The following CMTM6 variants were observed in gnomAD, a reference collection of about 807,000 sequenced individuals.
CMTM6 encodes the protein CKLF like MARVEL transmembrane domain containing 6.
A neutral mutation model predicts 13.6 loss-of-function variants in CMTM6; 5 were observed. That is an observed-to-expected ratio of 0.37 (90% CI 0.19 to 0.77). The LOEUF (loss-of-function observed/expected upper bound fraction) is 0.77, where lower values mean the gene tolerates loss of function less well. CMTM6 is among the 30% of genes least tolerant of loss of function. CMTM6 has a pLI of 0.50. For synonymous variants in CMTM6, 99 were observed against 84.5 expected, an observed-to-expected ratio of 1.17 and a Z score of -0.94; for missense variants, 196 against 218.6, an observed-to-expected ratio of 0.90 and a Z score of 0.65.
chr3:32,502,666 G>C lies in CMTM6; in HGVS notation c.80C>G (p.Ala27Gly). Reference protein sequence around the residue: ...PARGPRSGLAAYFFMGRLPLL... With the variant: ...PARGPRSGLAGYFFMGRLPLL... ...TGGGAGCCGGCCCATGAAAAAGTAG[G>C]CAGCGAGGCCGCTCCGGGGGCCTCT... Residue 27 changes from alanine to glycine, a missense_variant, in exon 1 of 4, where the codon GCC (alanine) becomes GGC (glycine). Around this residue, in one of 2 missense-constraint regions of CMTM6, gnomAD observed 85 missense variants for 58.7 expected, o/e 1.45. Transcript: ENST00000205636. 1 of 1,591,558 alleles carries C rather than the reference G, an allele frequency of 6.3e-7. No homozygotes were observed. Among genetic ancestry groups the C allele is most frequent in the Non-Finnish European group, 8.5e-7 (1 of 1,170,818 alleles).
chr3:32,502,709 C>G lies in CMTM6; in HGVS notation c.37G>C (p.Glu13Gln). 1 of 1,581,366 alleles carries G rather than the reference C, an allele frequency of 6.3e-7. No homozygotes were observed. The highest frequency in any genetic ancestry group is 8.6e-7 in the Non-Finnish European group (1 of 1,166,796). Residue 13 changes from glutamate to glutamine, a missense_variant, in exon 1 of 4, where the codon GAG becomes CAG. Physicochemically the swap from Glu to Gln is conservative, Grantham distance 29. Transcript: ENST00000205636. The part of the protein sequence containing the change: ...NGAVYSPTTE[E>Q]DPGPARGPRS... Reference sequence around the variant, plus strand: ...GGGCCTCTGGCGGGGCCCGGGTCCTCCTCCGTAGTGGGGCTGTACACCGCT... The same window carrying G: ...GGGCCTCTGGCGGGGCCCGGGTCCTGCTCCGTAGTGGGGCTGTACACCGCT...
intron 1 of CMTM6, among the ~76,000 whole-genome samples, chr3:32,498,107 TAAC>T (rs1351459293): frequency 2.0e-5 from 3 of 152,170 alleles, no homozygotes; most frequent in Non-Finnish European, 1.5e-5. Context: ...GCTAAGTACT[TAAC>T]AACTGTATAC....
At chr3:32,497,307 C>T (rs1697302407) in intron 1 of CMTM6, among the ~76,000 whole-genome samples, 1 of 149,568 alleles carries the variant, frequency 6.7e-6, no homozygotes, top group African/African-American at 2.5e-5. Flanking sequence ...ATGGCGTAAA[C>T]CCAGGAGGCA....
At chr3:32,488,834 C>T (rs1187556407) in intron 2 of CMTM6, among the ~76,000 whole-genome samples, 1 of 152,166 alleles carries the variant, frequency 6.6e-6, no homozygotes, top group East Asian at 1.9e-4. Flanking sequence ...CCTCACAAGG[C>T]TCTCATATGC....
At chr3:32,499,833 C>T (rs894079557) in intron 1 of CMTM6, among the ~76,000 whole-genome samples, 3 of 112,200 alleles carry the variant, frequency 2.7e-5, no homozygotes, top group Non-Finnish European at 5.3e-5. Context: ...GTACAGGCTC[C>T]ACTCTCTATC....
chr3:32,484,231 G>A, intron 3 of CMTM6, 134 bp from the exon 4 acceptor site: 3 of 727,096 alleles, frequency 4.1e-6, no homozygotes, highest in African/African-American at 1.8e-5. Flanking sequence ...CTCTTTAATG[G>A]TAAAAAAAAT....
In CMTM6 at chr3:32,483,098, C is replaced by T. The variant is rs957109777; in HGVS notation, c.*862G>A. ...ACCACTTTCTAAATCATAGTATGAA[C>T]TCATCTCTTCAGATACTTGGTAAGT... is the stretch of plus-strand genomic sequence containing the variant. On this transcript the variant is annotated 3_prime_UTR_variant, in exon 4 of 4. Coordinates refer to ENST00000205636, the MANE Select transcript of CMTM6 (RefSeq NM_017801.3). The T allele has an allele frequency of 5.9e-5, 9 of 152,638 alleles. No individual in the cohort carries two copies. The allele number at this position is 152,638 out of a possible 1,614,324, so 9.5% of individuals were successfully genotyped here. A position where few individuals can be genotyped will look rare whatever the true frequency, so the allele number is the denominator to read the frequency against.
intron 1 of CMTM6, among the ~76,000 whole-genome samples, chr3:32,497,382 C>CAAAAA (rs144445988): frequency 3.7e-5 from 2 of 53,630 alleles, no homozygotes; most frequent in African/African-American, 1.6e-4. Flanking sequence ...GACTCTGTCT[C>CAAAAA]AAAAAAAAAA....
At chr3:32,490,865 T>C (rs1697244419) in intron 2 of CMTM6, among the ~76,000 whole-genome samples, 1 of 152,238 alleles carries the variant, frequency 6.6e-6, no homozygotes, top group Non-Finnish European at 1.5e-5. Flanking sequence ...ATATACATTT[T>C]TTTTTACACA....
At position 32,502,652 on chromosome 3, in the gene CMTM6, C is replaced by A. The variant is rs1241599944; in HGVS notation, c.94G>T (p.Gly32Cys). ...ACGCGCCGGAGCAATGGGAGCCGGC[C>A]CATGAAAAAGTAGGCAGCGAGGCCG... ...RSGLAAYFFM[G>C]RLPLLRRVLK... is the part of the protein sequence containing the mutation. Residue 32 changes from glycine to cysteine, a missense_variant, in exon 1 of 4, where the codon GGC (glycine) becomes TGC (cysteine). Gly to Cys is a radical substitution (Grantham distance 159). This residue lies in a region of CMTM6 where 85 missense variants were observed against 58.7 expected (regional missense o/e 1.45). Transcript: ENST00000205636. 6.3e-7 allele frequency: 1 copy of A among 1,595,192 alleles called. No individual in the cohort carries two copies. Among genetic ancestry groups the A allele is most frequent in the South Asian group, 1.1e-5 (1 of 88,314 alleles).
intron 2 of CMTM6, among the ~76,000 whole-genome samples, chr3:32,491,335 A>G (rs1171920725): frequency 6.6e-6 from 1 of 152,218 alleles, no homozygotes; most frequent in Non-Finnish European, 1.5e-5. Flanking sequence ...TCTATCTCCA[A>G]TGTCTAGCAT....
At chr3:32,487,119 A>C (rs1697211582) in intron 3 of CMTM6, among the ~76,000 whole-genome samples, 1 of 152,124 alleles carries the variant, frequency 6.6e-6, no homozygotes, top group Non-Finnish European at 1.5e-5. Context: ...TTTGAGGGGC[A>C]AGGTAGGTGG....
intron 2 of CMTM6, chr3:32,488,263 CA>C (rs1219356814): frequency 2.8e-6 from 1 of 353,302 alleles, no homozygotes; most frequent in Non-Finnish European, 5.2e-6. Context: ...GAACACATTA[CA>C]AGATAAACTT....
At chr3:32,487,715 G>T in intron 3 of CMTM6, 1 of 404,658 alleles carries the variant, frequency 2.5e-6, no homozygotes, top group Non-Finnish European at 4.5e-6. Flanking sequence ...GGTATGTGGA[G>T]TAAGTGGATT....
At chr3:32,489,542 T>G (rs1697233718) in intron 2 of CMTM6, among the ~76,000 whole-genome samples, 1 of 151,678 alleles carries the variant, frequency 6.6e-6, no homozygotes, top group South Asian at 2.1e-4. Flanking sequence ...TCCCAGCTAC[T>G]TGGGAGGCTG....
chr3:32,483,420 GTAAAGC>G lies in CMTM6; in HGVS notation c.*534_*539del, dbSNP rs1160434251. ...AACATTTAAGGCTGAGTGAAATACA[GTAAAGC>G]CTGGTAATATATGTTAAGGAAAAAA... On this transcript the variant is annotated 3_prime_UTR_variant, in exon 4 of 4. Coordinates refer to ENST00000205636, the MANE Select transcript of CMTM6 (RefSeq NM_017801.3). 1 of 152,412 alleles carries G rather than the reference GTAAAGC, an allele frequency of 6.6e-6. No homozygotes were observed. 9.4% of individuals were successfully genotyped at this position (152,412 alleles called of 1,614,324 possible).
intron 2 of CMTM6, among the ~76,000 whole-genome samples, chr3:32,491,075 T>C (rs183696118): frequency 6.6e-6 from 1 of 152,344 alleles, no homozygotes; most frequent in African/African-American, 2.4e-5. Context: ...GAAATTCCTA[T>C]AGTGATGGCA....
At chr3:32,484,428 A>C (rs1310586735) in intron 3 of CMTM6, among the ~76,000 whole-genome samples, 1 of 152,250 alleles carries the variant, frequency 6.6e-6, no homozygotes, top group Admixed American at 6.5e-5. Context: ...TACAAAACAA[A>C]AATATTTGCA....
rs569941005 is a variant in CMTM6 at position 32,484,211 on chromosome 3, T to C, written c.415-114A>G. ...CAAGATGTTCATGAATTTTATCTTA[T>C]ACACGACTACTCTTTAATGGTAAAA... On this transcript the variant is annotated intron_variant, in intron 3 of 3. Transcript: ENST00000205636. The C allele has an allele frequency of 4.0e-5, 39 of 964,462 alleles. No homozygotes were observed. The South Asian group carries it at 7.9e-4, about 20-fold the overall frequency. The allele number at this position is 964,462 out of a possible 1,614,324, so 59.7% of individuals were successfully genotyped here.
Sources: gnomAD v4.1 joint callset for allele counts (sites outside exome capture counted in the v4.1 genomes callset) on GRCh38, gnomAD v4.1.1 for gene constraint, gnomAD v4.1.1 regional missense constraint, MANE v1.5 for transcripts, NCBI Gene and HGNC (gene_info 2026-07-23, HGNC 2026-07-21) for gene names.